The following SUPT3H variants were observed in gnomAD, a reference collection of about 807,000 sequenced individuals.
The protein encoded by SUPT3H is SPT3 homolog, SAGA and STAGA complex component, also known as transcription initiation protein SPT3 homolog.
SUPT3H carries 44 observed loss-of-function variants against 44.3 expected under a neutral mutation model. That is an observed-to-expected ratio of 0.99 (90% CI 0.78 to 1.28). The LOEUF is 1.28. Among genes scored for constraint, SUPT3H ranks in the 50% most tolerant of loss-of-function variants. The probability of loss-of-function intolerance (pLI) is 0.00; values close to 1 mark genes in which losing one functional copy is unlikely to be tolerated. For synonymous variants in SUPT3H, 124 were observed against 125.6 expected, an observed-to-expected ratio of 0.99 and a Z score of 0.09; for missense variants, 380 against 387.1, an observed-to-expected ratio of 0.98 and a Z score of 0.15.
intron 10 of SUPT3H, among the ~76,000 whole-genome samples, chr6:44,896,278 G>C (rs572514573): frequency 6.6e-5 from 10 of 152,252 alleles, no homozygotes; most frequent in South Asian, 2.1e-4. Context: ...TAACTGTCAT[G>C]AATTTCAGCT....
intron 10 of SUPT3H, among the ~76,000 whole-genome samples, chr6:44,923,489 T>C (rs1562053886): frequency 6.6e-6 from 1 of 152,102 alleles, no homozygotes; most frequent in Non-Finnish European, 1.5e-5. Flanking sequence ...GGAATTTAGG[T>C]TTTGTTTTTG....
At chr6:45,164,796 G>C (rs926156008) in intron 2 of SUPT3H, among the ~76,000 whole-genome samples, 1 of 152,032 alleles carries the variant, frequency 6.6e-6, no homozygotes, top group African/African-American at 2.4e-5. Flanking sequence ...AAAAAGTATA[G>C]TAAAATTTTT....
intron 3 of SUPT3H, among the ~76,000 whole-genome samples, chr6:45,075,557 C>T (rs907945394): frequency 1.3e-5 from 2 of 152,184 alleles, no homozygotes; most frequent in Non-Finnish European, 2.9e-5. Flanking sequence ...TAAATTTTCT[C>T]GTCATGAAAT....
At chr6:45,312,694 G>T (rs1410992003) in intron 2 of SUPT3H, among the ~76,000 whole-genome samples, 3 of 125,840 alleles carry the variant, frequency 2.4e-5, no homozygotes, top group Non-Finnish European at 3.4e-5. Context: ...GGGGGGGGGG[G>T]GGACTTCAAT....
At chr6:45,151,177 A>G (rs1176630043) in intron 2 of SUPT3H, among the ~76,000 whole-genome samples, 4 of 152,172 alleles carry the variant, frequency 2.6e-5, no homozygotes, top group African/African-American at 7.2e-5. Flanking sequence ...AAATTTTGAA[A>G]AGAGAAAAGT....
chr6:45,140,109 A>C (rs963408832), intron 2 of SUPT3H, among the ~76,000 whole-genome samples: 1 of 151,966 alleles, frequency 6.6e-6, no homozygotes. Context: ...CCCCCACTTC[A>C]CTGGTGAACT....
intron 10 of SUPT3H, among the ~76,000 whole-genome samples, chr6:44,870,752 A>G (rs538239799): frequency 2.8e-4 from 43 of 151,088 alleles, no homozygotes; most frequent in African/African-American, 1.0e-3. Context: ...TCATCTCACT[A>G]GGGAGTGCCA....
intron 2 of SUPT3H, among the ~76,000 whole-genome samples, chr6:45,350,132 G>T (rs908358148): frequency 2.0e-5 from 3 of 152,138 alleles, no homozygotes; most frequent in Non-Finnish European, 4.4e-5. Context: ...TCTGAGAAAT[G>T]AGAAATAAAA....
intron 10 of SUPT3H, among the ~76,000 whole-genome samples, chr6:44,924,264 G>A (rs933124845): frequency 5.9e-5 from 9 of 151,850 alleles, no homozygotes; most frequent in Non-Finnish European, 1.0e-4. Flanking sequence ...TATTAAAAAC[G>A]GCTGTATTTT....
At chr6:45,303,923 G>C (rs1460682997) in intron 2 of SUPT3H, among the ~76,000 whole-genome samples, 2 of 151,676 alleles carry the variant, frequency 1.3e-5, no homozygotes, top group African/African-American at 2.4e-5. Context: ...AACCCAGGAG[G>C]GGGAGGTTGC....
intron 7 of SUPT3H, among the ~76,000 whole-genome samples, chr6:44,960,375 G>A (rs1451665696): frequency 6.4e-5 from 9 of 141,140 alleles, no homozygotes; most frequent in Non-Finnish European, 1.1e-4. Context: ...AGCCGAGATC[G>A]CACCACTGCA....
At chr6:44,860,457 G>A (rs868105794) in intron 10 of SUPT3H, among the ~76,000 whole-genome samples, 8 of 152,258 alleles carry the variant, frequency 5.3e-5, no homozygotes, top group Middle Eastern at 3.4e-3. Context: ...AAGTAATTTA[G>A]TTCAACCTTC....
chr6:45,025,543 T>G (rs1487248979), intron 3 of SUPT3H, among the ~76,000 whole-genome samples: 1 of 152,184 alleles, frequency 6.6e-6, no homozygotes, highest in Non-Finnish European at 1.5e-5. Context: ...GGGGCCCACA[T>G]AAATTCAGCA....
chr6:44,823,096 C>T (rs1208013602), downstream of SUPT3H, among the ~76,000 whole-genome samples: 3 of 113,656 alleles, frequency 2.6e-5, no homozygotes, highest in South Asian at 3.6e-4. Context: ...AATGAGACTC[C>T]GTTTCAAAAA....
At chr6:45,158,205 T>G (rs939356436) in intron 2 of SUPT3H, among the ~76,000 whole-genome samples, 11 of 40,948 alleles carry the variant, frequency 2.7e-4, no homozygotes, top group Non-Finnish European at 4.4e-4. Flanking sequence ...ACCATAGAGA[T>G]AGATAGATAG....
intron 2 of SUPT3H, among the ~76,000 whole-genome samples, chr6:45,125,127 G>A (rs1401272219): frequency 2.6e-5 from 4 of 152,198 alleles, no homozygotes. Flanking sequence ...ACTATGGGCA[G>A]TAAGTTTCTG....
intron 2 of SUPT3H, among the ~76,000 whole-genome samples, chr6:45,161,192 T>C (rs1053100655): frequency 3.3e-5 from 5 of 152,236 alleles, no homozygotes; most frequent in African/African-American, 1.2e-4. Flanking sequence ...GTGAGTCCAT[T>C]AAACCTCTTT....
chr6:45,043,152 C>CAT (rs1562325238), intron 3 of SUPT3H, among the ~76,000 whole-genome samples: 2 of 151,142 alleles, frequency 1.3e-5, no homozygotes. Context: ...TACACACACA[C>CAT]ACACACACAC....
At chr6:45,246,056 C>T (rs1771285378) in intron 2 of SUPT3H, among the ~76,000 whole-genome samples, 1 of 151,926 alleles carries the variant, frequency 6.6e-6, no homozygotes, top group Admixed American at 6.6e-5. Context: ...TTCTAATTGG[C>T]CACCTGTATA....
Sources: gnomAD v4.1 joint callset for allele counts (sites outside exome capture counted in the v4.1 genomes callset) on GRCh38, gnomAD v4.1.1 for gene constraint, MANE v1.5 for transcripts, NCBI Gene and HGNC (gene_info 2026-07-23, HGNC 2026-07-21) for gene names.